Variants in POLQ observed in about 807,000 individuals in gnomAD.
POLQ encodes DNA polymerase theta, also known as epididymis secretory sperm binding protein.
In POLQ, 233 loss-of-function variants were observed where a neutral mutation model predicts 259.2. The ratio of observed to expected loss-of-function variants is 0.90; its 90% confidence interval spans 0.81 to 1.00. The LOEUF is 1.00. Ranked by LOEUF, POLQ falls within the 50% of genes least tolerant of loss-of-function variation. The probability of loss-of-function intolerance (pLI) is 0.00; values close to 1 mark genes in which losing one functional copy is unlikely to be tolerated. For synonymous variants in POLQ, 1,025 were observed against 1,048.8 expected (o/e 0.98, Z 0.44); for missense variants, 2,871 against 3,051.6 (o/e 0.94, Z 1.39).
chr3:121,473,634 T>A, intron 20 of POLQ, 147 bp from the exon 21 acceptor site: 2 of 756,880 alleles, frequency 2.6e-6, no homozygotes, highest in Non-Finnish European at 4.2e-6. Context: ...AATTACCATA[T>A]TTAATAAATG....
At chr3:121,511,796 AT>A (rs917625611) in intron 10 of POLQ, 90 bp downstream of exon 10, 3 of 1,042,356 alleles carry the variant, frequency 2.9e-6, no homozygotes, top group East Asian at 5.3e-5. Flanking sequence ...ATTAAAAAAA[AT>A]AAATAAATAA....
intron 26 of POLQ, among the ~76,000 whole-genome samples, chr3:121,446,725 T>G (rs1409846395): frequency 6.6e-6 from 1 of 152,198 alleles, no homozygotes; most frequent in African/African-American, 2.4e-5. Flanking sequence ...TTCATAGTTT[T>G]TGTCTTGGAA....
intron 12 of POLQ, among the ~76,000 whole-genome samples, chr3:121,504,105 T>A (rs2048192257): frequency 6.6e-6 from 1 of 152,184 alleles, no homozygotes; most frequent in Non-Finnish European, 1.5e-5. Flanking sequence ...TGACCTCAGA[T>A]GATCCGCTGA....
At chr3:121,492,026 C>A (rs190559262) in intron 15 of POLQ, among the ~76,000 whole-genome samples, 2 of 152,202 alleles carry the variant, frequency 1.3e-5, no homozygotes, top group African/African-American at 4.8e-5. Flanking sequence ...TCCACCACCC[C>A]CCTACCCCCA....
intron 25 of POLQ, among the ~76,000 whole-genome samples, chr3:121,454,237 A>C (rs1202288874): frequency 6.6e-6 from 1 of 152,244 alleles, no homozygotes; most frequent in East Asian, 1.9e-4. Context: ...AGGAAGCACT[A>C]AACATGGAAA....
chr3:121,489,744 A>G lies in POLQ; in HGVS notation c.3187T>C (p.Cys1063Arg). Residue 1063 changes from cysteine (C) to arginine (R), a missense_variant, in exon 16 of 30, where the codon TGT becomes CGT. By Grantham distance (180) the Cys-to-Arg change is radical (BLOSUM62 -3). Coordinates refer to ENST00000264233, the MANE Select transcript of POLQ (RefSeq NM_199420.4). ...GTCTGTCCTTGTAAATGGATTCTACACGCTCCAGAGTCTTTCAGGGGGCTG... is the reference window on the plus strand; with the variant it reads ...GTCTGTCCTTGTAAATGGATTCTACGCGCTCCAGAGTCTTTCAGGGGGCTG... ...DSSPLKDSGA[C>R]RIHLQGQTLS... 1 of 1,612,448 alleles carries G rather than the reference A, an allele frequency of 6.2e-7. No individual in the cohort carries two copies. Among genetic ancestry groups the G allele is most frequent in the Non-Finnish European group, 8.5e-7 (1 of 1,179,754 alleles).
intron 12 of POLQ, among the ~76,000 whole-genome samples, chr3:121,502,451 G>A (rs759109534): frequency 1.4e-4 from 22 of 152,198 alleles, no homozygotes; most frequent in East Asian, 7.7e-4. Context: ...TGGTCCACCC[G>A]CCTCAGCCTA....
intron 9 of POLQ, among the ~76,000 whole-genome samples, chr3:121,517,523 C>T (rs1025209990): frequency 1.2e-4 from 18 of 152,070 alleles, no homozygotes; most frequent in African/African-American, 4.1e-4. Flanking sequence ...TAGTGGAGCA[C>T]GTGGCCACCC....
intron 15 of POLQ, among the ~76,000 whole-genome samples, chr3:121,491,557 C>T (rs569144854): frequency 1.1e-4 from 16 of 151,978 alleles, no homozygotes; most frequent in African/African-American, 3.9e-4. Flanking sequence ...CCAGTCAGCA[C>T]CCTGTAGGTT....
At chr3:121,514,079 A>C (rs1013138347) in intron 9 of POLQ, among the ~76,000 whole-genome samples, 3 of 148,632 alleles carry the variant, frequency 2.0e-5, no homozygotes, top group Non-Finnish European at 4.5e-5. Flanking sequence ...CTGTAATTCC[A>C]GCACTGTGGG....
chr3:121,458,495 GCAAATTACTTT>G (rs2047762197), intron 25 of POLQ, among the ~76,000 whole-genome samples: 1 of 152,118 alleles, frequency 6.6e-6, no homozygotes, highest in Non-Finnish European at 1.5e-5. Context: ...ATGACCTTAA[GCAAATTACTTT>G]CTGTGCTTCA....
chr3:121,501,528 G>A (rs1054851002), intron 12 of POLQ, among the ~76,000 whole-genome samples: 4 of 150,080 alleles, frequency 2.7e-5, no homozygotes, highest in Non-Finnish European at 4.5e-5. Context: ...GCGTAGTGGC[G>A]GGCGCCTGTA....
intron 27 of POLQ, among the ~76,000 whole-genome samples, chr3:121,439,436 T>G (rs2047570891): frequency 6.6e-6 from 1 of 152,156 alleles, no homozygotes. Context: ...TCTCACTATG[T>G]TGCCCAAGCT....
intron 14 of POLQ, 125 bp from the exon 15 acceptor site, chr3:121,493,846 A>T: frequency 1.2e-6 from 1 of 809,334 alleles, no homozygotes; most frequent in Non-Finnish European, 1.9e-6. Flanking sequence ...AACAAGGCCC[A>T]AGGTGTAAGT....
rs530871985 is a variant in POLQ, at chr3:121,460,633, T to C, written c.6968-399A>G. 1.1e-4 allele frequency among the ~76,000 whole-genome samples: 17 copies of C among 152,312 alleles called. No homozygotes were observed. The East Asian group carries it at 3.3e-3, about 29-fold the overall frequency. ...AAAAGCTTGCACAGTTGCTGATAGATAATAGGCCCTTAACAAATGCTTGTT... is the reference window on the plus strand; with the variant it reads ...AAAAGCTTGCACAGTTGCTGATAGACAATAGGCCCTTAACAAATGCTTGTT... On this transcript the variant is annotated intron_variant, in intron 24 of 29. Transcript: ENST00000264233.
At chr3:121,482,920 G>A (rs2047982144) in intron 18 of POLQ, among the ~76,000 whole-genome samples, 1 of 152,210 alleles carries the variant, frequency 6.6e-6, no homozygotes, top group Admixed American at 6.5e-5. Flanking sequence ...TATTATAAAG[G>A]AAAGTTCTCA....
Position 121,432,251 on chromosome 3 carries a change from C to A in POLQ, c.*53G>T. On this transcript the variant is annotated 3_prime_UTR_variant, in exon 30 of 30. Transcript: ENST00000264233. ...GTGAAAGGGTAATCTCTGTTCTTTC[C>A]AGGTGACTGCATCTGCACAGGCTTC... is the stretch of plus-strand genomic sequence containing the variant. The A allele has an allele frequency of 2.0e-6, 3 of 1,521,258 alleles. No homozygotes were observed. Among genetic ancestry groups the A allele is most frequent in the Non-Finnish European group, 2.6e-6 (3 of 1,135,304 alleles). The allele number at this position is 1,521,258 out of a possible 1,614,324, so 94.2% of individuals were successfully genotyped here.
At position 121,489,171 on chromosome 3, in the gene POLQ, C is replaced by T; in HGVS notation, c.3760G>A (p.Ala1254Thr). The change falls in exon 16 of 30, where the codon GCA (alanine) becomes ACA (threonine). Residue 1254 changes from alanine (A) to threonine (T), a missense_variant. Around this residue, in one of 3 missense-constraint regions of POLQ, gnomAD observed 2,080 missense variants for 2,126.0 expected, o/e 0.98. Coordinates refer to ENST00000264233, the MANE Select transcript of POLQ (RefSeq NM_199420.4). ...TEENKPSHFQ[A>T]LGDDISRTVI... ...GTTCTGCTTATATCATCTCCTAATG[C>T]CTGAAAATGACTTGGTTTATTTTCC... The T allele has an allele frequency of 6.2e-7, 1 of 1,612,846 alleles. No homozygotes were observed. The highest frequency in any genetic ancestry group is 8.5e-7 in the Non-Finnish European group (1 of 1,179,690).
chr3:121,439,802 G>A (rs749477864), intron 27 of POLQ, among the ~76,000 whole-genome samples, 190 bp downstream of exon 27: 8 of 152,224 alleles, frequency 5.3e-5, no homozygotes, highest in Admixed American at 1.3e-4. Flanking sequence ...CCCAGACTCT[G>A]TTCAGCAAAT....
Sources: allele counts gnomAD v4.1 joint callset (sites outside exome capture counted in the v4.1 genomes callset), GRCh38; gene constraint gnomAD v4.1.1; regional missense constraint gnomAD v4.1.1; transcripts MANE v1.5; gene names NCBI Gene and HGNC (gene_info 2026-07-23, HGNC 2026-07-21).